The following RTEL1 variants were observed in gnomAD, a reference collection of about 807,000 sequenced individuals.
RTEL1 encodes regulator of telomere length.
RTEL1 carries 86 observed loss-of-function variants against 162.2 expected under a neutral mutation model. That is an observed-to-expected ratio of 0.53 (90% CI 0.45 to 0.63). The LOEUF is 0.63. RTEL1 is among the 30% of genes least tolerant of loss of function. The pLI, the probability that RTEL1 is intolerant of heterozygous loss-of-function variation, is 0.00. For missense variants in RTEL1, 1,941 were observed against 1,750.2 expected (o/e 1.11, Z -1.95); for synonymous variants, 958 against 717.9 (o/e 1.33, Z -5.35).
rs2090643225 is a variant in RTEL1 at position 63,688,332 on chromosome 20, C to A, written c.1668C>A (p.Leu556=). Residue 556 remains leucine, a synonymous_variant, in exon 20 of 35, where the codon CTC becomes CTA. Transcript: ENST00000360203. ...GNIARVVPYG[L]LIFFPSYPVM... is the part of the protein sequence containing the mutation. ...TCGCCCGCGTGGTGCCCTATGGGCT[C>A]CTGATCTTCTTCCCTTCCTATCCTG... 6.2e-7 allele frequency: 1 copy of A among 1,612,510 alleles called. No homozygotes were observed. Among genetic ancestry groups the A allele is most frequent in the African/African-American group, 1.3e-5 (1 of 74,932 alleles).
In RTEL1 at chr20:63,692,846, C is replaced by G; in HGVS notation, c.2694C>G (p.Leu898=). 2 of 1,612,654 alleles carry G rather than the reference C, an allele frequency of 1.2e-6. No individual in the cohort carries two copies. The highest frequency in any genetic ancestry group is 3.3e-4 in the Middle Eastern group (2 of 6,046). ...GTGCACAGACGGACAGGGCCAAGCTCTTCATGGTGGCCGTGAAGCAGGAGT... is the reference window on the plus strand; with the variant it reads ...GTGCACAGACGGACAGGGCCAAGCTGTTCATGGTGGCCGTGAAGCAGGAGT... ...VAGAQTDRAK[L]FMVAVKQELS... The change falls in exon 29 of 35, where the codon CTC becomes CTG. Residue 898 remains leucine, a synonymous_variant. Transcript: ENST00000360203.
At chr20:63,682,010 C>T in intron 14 of RTEL1, 1 of 985,452 alleles carries the variant, frequency 1.0e-6, no homozygotes, top group Non-Finnish European at 1.2e-6. Context: ...TGATGGGTCA[C>T]TGCAAAGCAC....
At chr20:63,694,274 G>A (rs1466594749) in intron 30 of RTEL1, 98 bp from the exon 31 acceptor site, 2 of 1,050,672 alleles carry the variant, frequency 1.9e-6, no homozygotes, top group Admixed American at 1.7e-5. Flanking sequence ...GGTCTGAGGT[G>A]GGTGAGGCCT....
At chr20:63,657,979 T>G (rs1410836925), upstream of RTEL1, 1 of 152,226 alleles carries the variant, frequency 6.6e-6, no homozygotes, top group Admixed American at 6.5e-5. Flanking sequence ...GTTTTCAAAT[T>G]TTCAGGAAAG....
chr20:63,676,881 G>A (rs951992081), intron 10 of RTEL1, among the ~76,000 whole-genome samples: 3 of 150,668 alleles, frequency 2.0e-5, no homozygotes, highest in African/African-American at 7.4e-5. Context: ...GTTGCAGTGA[G>A]CCGAGATCGC....
At chr20:63,690,503 G>GGGGGGGGGGGGGGGGC in intron 26 of RTEL1, 62 bp downstream of exon 26, 1 of 1,028,424 alleles carries the variant, frequency 9.7e-7, no homozygotes, top group Non-Finnish European at 1.4e-6. Flanking sequence ...CGTGGGGCGG[G>GGGGGGGGGGGGGGGGC]CAGCACCAGG....
At chr20:63,681,847 T>G (rs747865681) in intron 14 of RTEL1, 8 of 985,138 alleles carry the variant, frequency 8.1e-6, no homozygotes, top group Non-Finnish European at 8.4e-6. Flanking sequence ...TCCTCCCAAC[T>G]CCTCCCCAAA....
In RTEL1 at chr20:63,665,875, G is replaced by A. The variant is rs191891895; in HGVS notation, c.539-129G>A. The A allele has an allele frequency of 1.3e-3, 988 of 748,998 alleles. 4 individuals carry two copies. The highest frequency in any genetic ancestry group is 3.4e-3 in the Admixed American group (125 of 36,370). 46.4% of individuals were successfully genotyped at this position (748,998 alleles called of 1,614,324 possible). A position where few individuals can be genotyped will look rare whatever the true frequency, so the allele number is the denominator to read the frequency against. On this transcript the variant is annotated intron_variant, in intron 6 of 34. Coordinates refer to ENST00000360203, the MANE Select transcript of RTEL1 (RefSeq NM_001283009.2). ...ACCCTCAGTGGGTGCTTTGTGGCGC[G>A]TTCACGGTTGGTGGGGGACGCCCAG... is the stretch of plus-strand genomic sequence containing the variant.
chr20:63,686,362 C>T (rs937767361), intron 16 of RTEL1: 16 of 185,224 alleles, frequency 8.6e-5, no homozygotes, highest in Non-Finnish European at 1.5e-4. Context: ...GTCTTCGAGT[C>T]GGTGCTGCCG....
Position 63,695,623 on chromosome 20 carries a change from CCAAGCCTGCTGG to C in RTEL1, c.3799_3810del (p.Ala1267_Gln1270del), listed in dbSNP as rs2090960464. On this transcript the variant is annotated inframe_deletion, in exon 34 of 35. Transcript: ENST00000360203. Reference sequence around the variant, plus strand: ...GCCCTGCCTGTGACTTCCAGCGCTGCCAAGCCTGCTGGCAACGGCACCTTCAGGTTGGTGCCT... The same window carrying C: ...GCCCTGCCTGTGACTTCCAGCGCTGCCAACGGCACCTTCAGGTTGGTGCCT... 1 of 1,611,626 alleles carries C rather than the reference CCAAGCCTGCTGG, an allele frequency of 6.2e-7. No homozygotes were observed. The highest frequency in any genetic ancestry group is 8.5e-7 in the Non-Finnish European group (1 of 1,179,908).
At position 63,693,359 on chromosome 20, in the gene RTEL1, G is replaced by A. The variant is rs1601185521; in HGVS notation, c.2992+76G>A. The A allele has an allele frequency of 9.5e-6, 15 of 1,573,848 alleles. No individual in the cohort carries two copies. In the South Asian group the frequency reaches 1.6e-4, roughly 16 times the overall value. On this transcript the variant is annotated intron_variant, in intron 30 of 34. Coordinates refer to ENST00000360203, the MANE Select transcript of RTEL1 (RefSeq NM_001283009.2). ...TGGGCCAGAGTCCTGGGCTGCTTGG[G>A]GTGGGCATCCTCGGGCCCTGCTTGG...
At chr20:63,666,900 T>A (rs573225846) in intron 7 of RTEL1, among the ~76,000 whole-genome samples, 1 of 144,332 alleles carries the variant, frequency 6.9e-6, no homozygotes, top group Non-Finnish European at 1.5e-5. Context: ...AGTGCAGTGG[T>A]GCGATCTCGG....
rs974684662 is a variant in RTEL1 at position 63,659,456 on chromosome 20, C to T, written c.54C>T (p.Tyr18=). 3.1e-6 allele frequency: 5 copies of T among 1,614,034 alleles called. No homozygotes were observed. In the African/African-American group the frequency reaches 6.7e-5, roughly 22 times the overall value. ...GVTVDFPFQP[Y]KCQQEYMTKV... ...CCGTAGACTTCCCTTTCCAGCCCTACAAATGCCAACAGGAGTACATGACCA... is the reference window on the plus strand; with the variant it reads ...CCGTAGACTTCCCTTTCCAGCCCTATAAATGCCAACAGGAGTACATGACCA... Residue 18 remains tyrosine (Y), a synonymous_variant, in exon 2 of 35, where the codon TAC becomes TAT. Transcript: ENST00000360203.
At position 63,693,642 on chromosome 20, in the gene RTEL1, ACCT is replaced by A. The variant is rs2090872651; in HGVS notation, c.2992+362_2992+364del. Among the ~76,000 whole-genome samples the A allele has an allele frequency of 9.3e-4, 45 of 48,158 alleles. 1 individual carries two copies. Among genetic ancestry groups the A allele is most frequent in the Middle Eastern group, 0.014 (1 of 72 alleles). The allele number at this position is 48,158 out of a possible 152,430, so 31.6% of individuals were successfully genotyped here. ...CTCCACCACCACCTCCACCACCACC[ACCT>A]CCACCTCCACCACCACCTCCACCAC... On this transcript the variant is annotated intron_variant, in intron 30 of 34. Coordinates refer to ENST00000360203, the MANE Select transcript of RTEL1 (RefSeq NM_001283009.2).
At chr20:63,662,334 C>A in intron 4 of RTEL1, 1 of 900,176 alleles carries the variant, frequency 1.1e-6, no homozygotes, top group South Asian at 1.5e-5. Context: ...GGACCAGTGG[C>A]AGGGTGCTGT....
In RTEL1 at chr20:63,678,711, G is replaced by A. The variant is rs1190280600; in HGVS notation, c.1037+365G>A. 1.1e-4 allele frequency among the ~76,000 whole-genome samples: 12 copies of A among 109,850 alleles called. 1 individual carries two copies. The highest frequency in any genetic ancestry group is 6.5e-4 in the South Asian group (2 of 3,082). 72.1% of individuals were successfully genotyped at this position (109,850 alleles called of 152,430 possible). ...CACGGAACAGCACACACACTCCCAC[G>A]GAACAGCACACACACCCACGGAACG... On this transcript the variant is annotated intron_variant, in intron 12 of 34. Coordinates refer to ENST00000360203, the MANE Select transcript of RTEL1 (RefSeq NM_001283009.2).
chr20:63,667,485 C>A lies in RTEL1; in HGVS notation c.631C>A (p.Leu211Met). ...CCTTCCCAGGGTGTGCCCTTACTAC[C>A]TGTCCCGGAACCTGAAGCAGCAAGC... is the stretch of plus-strand genomic sequence containing the variant. Reference protein sequence around the residue: ...GSKHRVCPYYLSRNLKQQADI... With the variant: ...GSKHRVCPYYMSRNLKQQADI... The change falls in exon 8 of 35, where the codon CTG (leucine) becomes ATG (methionine). Residue 211 changes from leucine to methionine, a missense_variant. Leu to Met is a conservative substitution (Grantham distance 15). Coordinates refer to ENST00000360203, the MANE Select transcript of RTEL1 (RefSeq NM_001283009.2). 8 of 1,613,930 alleles carry A rather than the reference C, an allele frequency of 5.0e-6. No homozygotes were observed. The highest frequency in any genetic ancestry group is 6.8e-6 in the Non-Finnish European group (8 of 1,179,834).
Position 63,694,433 on chromosome 20 carries a change from C to T in RTEL1, c.3054C>T (p.Pro1018=). 1 of 1,612,342 alleles carries T rather than the reference C, an allele frequency of 6.2e-7. No individual in the cohort carries two copies. Among genetic ancestry groups the T allele is most frequent in the Non-Finnish European group, 8.5e-7 (1 of 1,179,612 alleles). The change falls in exon 31 of 35, where the codon CCC becomes CCT. Residue 1018 remains proline (P), a synonymous_variant. Coordinates refer to ENST00000360203, the MANE Select transcript of RTEL1 (RefSeq NM_001283009.2). ...VSTAAAQQLD[P]QEHLNQGRPH... is the part of the protein sequence containing the mutation. ...CGGCTGCAGCCCAGCAGCTGGACCCCCAAGAGCACCTGAACCAGGGCAGGC... is the reference window on the plus strand; with the variant it reads ...CGGCTGCAGCCCAGCAGCTGGACCCTCAAGAGCACCTGAACCAGGGCAGGC...
intron 16 of RTEL1, 22 bp from the exon 17 acceptor site, chr20:63,687,616 T>G: frequency 6.3e-7 from 1 of 1,588,516 alleles, no homozygotes; most frequent in East Asian, 2.2e-5. Flanking sequence ...CTCTGTGCCC[T>G]CTGCCGCCCC....
Sources: gnomAD v4.1 joint callset for allele counts (sites outside exome capture counted in the v4.1 genomes callset) on GRCh38, gnomAD v4.1.1 for gene constraint, MANE v1.5 for transcripts, NCBI Gene and HGNC (gene_info 2026-07-23, HGNC 2026-07-21) for gene names.